The following GRAMD4 variants were observed in gnomAD, a reference collection of about 807,000 sequenced individuals.
GRAMD4 encodes GRAM domain containing 4.
GRAMD4 carries 25 observed loss-of-function variants against 83.9 expected under a neutral mutation model. The ratio of observed to expected loss-of-function variants is 0.30; its 90% CI spans 0.22 to 0.42. The LOEUF (loss-of-function observed/expected upper bound fraction) is 0.42, where lower values mean the gene tolerates loss of function less well. Among genes scored for constraint, GRAMD4 ranks in the 10% least tolerant of loss-of-function variants. The pLI is 1.00. For missense variants in GRAMD4, 593 were observed against 788.7 expected, an observed-to-expected ratio of 0.75 and a Z score of 2.97; for synonymous variants, 336 against 320.9, an observed-to-expected ratio of 1.05 and a Z score of -0.50.
chr22:46,596,028 T>TAA, intron 1 of GRAMD4, among the ~76,000 whole-genome samples: 1 of 152,372 alleles, frequency 6.6e-6, no homozygotes, highest in Non-Finnish European at 1.5e-5. Context: ...GAAGCGTTGC[T>TAA]TCAGTGCATT....
At chr22:46,591,537 A>G (rs2092854992) in intron 1 of GRAMD4, among the ~76,000 whole-genome samples, 1 of 152,082 alleles carries the variant, frequency 6.6e-6, no homozygotes, top group South Asian at 2.1e-4. Context: ...TGCATCCCTC[A>G]TAAAGGCCAC....
At chr22:46,585,631 T>C (rs938657144) in intron 1 of GRAMD4, among the ~76,000 whole-genome samples, 10 of 152,216 alleles carry the variant, frequency 6.6e-5, no homozygotes, top group South Asian at 2.1e-4. Context: ...TGGCCTCTTA[T>C]CACCTGTCCG....
chr22:46,643,803 T>A (rs1412129656), intron 3 of GRAMD4, among the ~76,000 whole-genome samples: 1 of 152,228 alleles, frequency 6.6e-6, no homozygotes, highest in Non-Finnish European at 1.5e-5. Flanking sequence ...GTCCTTAGTG[T>A]CACATCGGCA....
At chr22:46,637,229 GA>G (rs750489105) in intron 2 of GRAMD4, among the ~76,000 whole-genome samples, 12 of 151,170 alleles carry the variant, frequency 7.9e-5, no homozygotes, top group South Asian at 2.1e-4. Flanking sequence ...CAACCATCAA[GA>G]GACTTAGCGC....
chr22:46,670,851 G>A (rs1486290860), intron 13 of GRAMD4, among the ~76,000 whole-genome samples: 4 of 151,854 alleles, frequency 2.6e-5, no homozygotes, highest in Non-Finnish European at 2.9e-5. Context: ...TGATCCGCCC[G>A]CTCGGCCTCC....
chr22:46,621,680 C>T lies in GRAMD4; in HGVS notation c.-50+1115C>T, dbSNP rs1001377714. 7.0e-5 allele frequency among the ~76,000 whole-genome samples: 10 copies of T among 142,716 alleles called. No individual in the cohort carries two copies. Among genetic ancestry groups the T allele is most frequent in the African/African-American group, 2.6e-4 (10 of 37,866 alleles). 93.6% of individuals were successfully genotyped at this position (142,716 alleles called of 152,430 possible). A position where few individuals can be genotyped will look rare whatever the true frequency, so the allele number is the denominator to read the frequency against. On this transcript the variant is annotated intron_variant, in intron 1 of 18. Coordinates refer to ENST00000406902, the MANE Select transcript of GRAMD4 (RefSeq NM_015124.5). The surrounding 1 kb of genome is among the most constrained non-coding windows in gnomAD (Gnocchi z 5.8). ...CGCGGAGGGCACCCCTACCCCGGTG[C>T]AGGCACAGGCTGGAGGCGTAGCCCG...
At chr22:46,575,831 C>G (rs929764444), upstream of GRAMD4, among the ~76,000 whole-genome samples, 1 of 152,246 alleles carries the variant, frequency 6.6e-6, no homozygotes, top group South Asian at 2.1e-4. Flanking sequence ...CCTGAAATCA[C>G]TGGGTCCCCA....
intron 1 of GRAMD4, among the ~76,000 whole-genome samples, chr22:46,600,814 CAT>C (rs748146252): frequency 6.6e-6 from 1 of 152,196 alleles, no homozygotes; most frequent in Non-Finnish European, 1.5e-5. Flanking sequence ...AAATCTATTA[CAT>C]GTTAACATAA....
chr22:46,652,817 T>C (rs1178263217), intron 3 of GRAMD4, among the ~76,000 whole-genome samples: 1 of 152,236 alleles, frequency 6.6e-6, no homozygotes, highest in Non-Finnish European at 1.5e-5. Flanking sequence ...TCGGCCCTCC[T>C]GTTTCTTTTC....
chr22:46,663,208 A>G (rs1345820070), intron 6 of GRAMD4, 36 bp downstream of exon 6: 2 of 1,594,380 alleles, frequency 1.3e-6, no homozygotes, highest in African/African-American at 2.7e-5. Context: ...CCTGTGCGTT[A>G]GGGGCCCCGG....
chr22:46,609,875 T>C (rs1241226194), intron 1 of GRAMD4, among the ~76,000 whole-genome samples: 1 of 152,212 alleles, frequency 6.6e-6, no homozygotes, highest in Non-Finnish European at 1.5e-5. Context: ...CTCTGAAACC[T>C]GAGGGGCGGC....
intron 1 of GRAMD4, among the ~76,000 whole-genome samples, chr22:46,588,899 C>G (rs2081178793): frequency 6.6e-6 from 1 of 152,058 alleles, no homozygotes; most frequent in South Asian, 2.1e-4. Flanking sequence ...GTGACCCAGC[C>G]TCTGCCAGCG....
chr22:46,667,553 C>T (rs983054992), intron 10 of GRAMD4, among the ~76,000 whole-genome samples: 34 of 152,224 alleles, frequency 2.2e-4, no homozygotes, highest in African/African-American at 7.0e-4. Flanking sequence ...AGAGGGAGAC[C>T]CCGGCCCATG....
At chr22:46,655,762 C>T (rs2082233941) in intron 3 of GRAMD4, among the ~76,000 whole-genome samples, 1 of 152,220 alleles carries the variant, frequency 6.6e-6, no homozygotes, top group African/African-American at 2.4e-5. Context: ...AGAAGCCTCC[C>T]CAAGGCCCTA....
At chr22:46,599,266 C>T (rs566578772) in intron 1 of GRAMD4, among the ~76,000 whole-genome samples, 3 of 151,928 alleles carry the variant, frequency 2.0e-5, no homozygotes, top group Non-Finnish European at 4.4e-5. Flanking sequence ...GCAGATGGCT[C>T]GTGATTTTTC....
chr22:46,580,781 A>G (rs2081089872), intron 1 of GRAMD4, among the ~76,000 whole-genome samples: 1 of 152,122 alleles, frequency 6.6e-6, no homozygotes, highest in South Asian at 2.1e-4. Flanking sequence ...CCTGACCAAC[A>G]TGGAGAAATC....
rs2082533473 is a variant in GRAMD4 at position 46,672,954 on chromosome 22, A to G, written c.1196A>G (p.Asp399Gly). 1 of 1,609,812 alleles carries G rather than the reference A, an allele frequency of 6.2e-7. No homozygotes were observed. Among genetic ancestry groups the G allele is most frequent in the Non-Finnish European group, 8.5e-7 (1 of 1,179,650 alleles). Residue 399 changes from aspartate (D) to glycine (G), a missense_variant, in exon 14 of 19, where the codon GAC becomes GGC. Around this residue, in one of 4 missense-constraint regions of GRAMD4, gnomAD observed 171 missense variants for 199.6 expected, o/e 0.86. Coordinates refer to ENST00000406902, the MANE Select transcript of GRAMD4 (RefSeq NM_015124.5). This position sits in a 1 kb window ranked among gnomAD's most constrained non-coding sequence, Gnocchi z 4.7. ...PYIIWRSLPT[D>G]PQLKERSSAA... ...ATCATCTGGAGGAGTCTCCCCACCGACCCGCAGCTCAAGGAGCGCTCCAGC... is the reference window on the plus strand; with the variant it reads ...ATCATCTGGAGGAGTCTCCCCACCGGCCCGCAGCTCAAGGAGCGCTCCAGC...
At chr22:46,674,516 C>A in intron 15 of GRAMD4, 141 bp from the exon 16 acceptor site, 1 of 708,266 alleles carries the variant, frequency 1.4e-6, no homozygotes, top group Non-Finnish European at 2.6e-6. Flanking sequence ...CTTGCCGGCG[C>A]GCCTTCCTCT....
chr22:46,576,868 CGCGTGGGTGCG>C (rs2081046307), upstream of GRAMD4, among the ~76,000 whole-genome samples: 3 of 142,038 alleles, frequency 2.1e-5, no homozygotes, highest in East Asian at 2.1e-4. Context: ...GCCGCGCGTG[CGCGTGGGTGCG>C]AGCGGCGGGG....
Sources: allele counts gnomAD v4.1 joint callset (sites outside exome capture counted in the v4.1 genomes callset), GRCh38; gene constraint gnomAD v4.1.1; regional missense constraint gnomAD v4.1.1; non-coding constraint Gnocchi (gnomAD v3.1); transcripts MANE v1.5; gene names NCBI Gene and HGNC (gene_info 2026-07-23, HGNC 2026-07-21).